Variants in CNTN5 observed in about 807,000 individuals in gnomAD.
CNTN5 encodes the protein contactin-5.
In CNTN5, 77 loss-of-function variants were observed where a neutral mutation model predicts 129.1. The ratio of observed to expected loss-of-function variants is 0.60; its 90% confidence interval spans 0.50 to 0.72. CNTN5 has a LOEUF of 0.72. CNTN5 is among the 30% of genes least tolerant of loss of function. CNTN5 has a pLI of 0.00. For missense variants in CNTN5, 1,478 were observed against 1,328.8 expected (o/e 1.11, Z -1.75); for synonymous variants, 509 against 465.6 (o/e 1.09, Z -1.20).
chr11:99,602,274 C>A lies in CNTN5; in HGVS notation c.55+46005C>A, dbSNP rs534768783. Reference sequence around the variant, plus strand: ...TTCTAGTTTCTATCTTGATTATTTACTTTATTGAATAATAATAATAAGAAA... The same window carrying A: ...TTCTAGTTTCTATCTTGATTATTTAATTTATTGAATAATAATAATAAGAAA... On this transcript the variant is annotated intron_variant, in intron 3 of 24. Coordinates refer to ENST00000524871, the MANE Select transcript of CNTN5 (RefSeq NM_014361.4). Among the ~76,000 whole-genome samples the A allele has an allele frequency of 2.9e-4, 44 of 151,980 alleles. 1 individual carries two copies. In the South Asian group the frequency reaches 6.6e-3, roughly 23 times the overall value.
At chr11:99,224,377 C>G (rs564968460) in intron 1 of CNTN5, among the ~76,000 whole-genome samples, 2 of 152,206 alleles carry the variant, frequency 1.3e-5, no homozygotes, top group East Asian at 3.9e-4. Flanking sequence ...TATGGTAGCA[C>G]AAGTAAACTT....
intron 13 of CNTN5, among the ~76,000 whole-genome samples, chr11:100,155,256 A>G (rs2138329935): frequency 6.6e-6 from 1 of 152,274 alleles, no homozygotes; most frequent in Non-Finnish European, 1.5e-5. Flanking sequence ...CAGTTTTCCC[A>G]ACACTATTTA....
chr11:99,551,156 T>A (rs1378100549), intron 2 of CNTN5, among the ~76,000 whole-genome samples: 1 of 152,166 alleles, frequency 6.6e-6, no homozygotes, highest in Non-Finnish European at 1.5e-5. Context: ...CAGTTTCCTG[T>A]GATGCTGAGT....
chr11:99,995,338 CAAT>C (rs1180557529), intron 8 of CNTN5, among the ~76,000 whole-genome samples: 2 of 132,400 alleles, frequency 1.5e-5, no homozygotes, highest in Admixed American at 7.4e-5. Flanking sequence ...AAAAAAAAAA[CAAT>C]AAATACCACA....
intron 8 of CNTN5, among the ~76,000 whole-genome samples, chr11:99,965,288 T>G (rs1360699946): frequency 6.6e-6 from 1 of 152,162 alleles, no homozygotes; most frequent in South Asian, 2.1e-4. Context: ...GCTTTCTCTT[T>G]TGGTCATTTA....
chr11:100,215,263 A>G (rs1949114324), intron 15 of CNTN5, among the ~76,000 whole-genome samples: 1 of 152,134 alleles, frequency 6.6e-6, no homozygotes, highest in African/African-American at 2.4e-5. Flanking sequence ...CCTTCTTATG[A>G]TCCAGCCATA....
intron 1 of CNTN5, among the ~76,000 whole-genome samples, chr11:99,259,622 C>T (rs1862536974): frequency 6.6e-6 from 1 of 151,630 alleles, no homozygotes; most frequent in South Asian, 2.1e-4. Context: ...GGGATATATT[C>T]TGAGGACAAG....
At chr11:99,618,633 A>G (rs923859214) in intron 3 of CNTN5, among the ~76,000 whole-genome samples, 5 of 152,202 alleles carry the variant, frequency 3.3e-5, no homozygotes, top group African/African-American at 1.2e-4. Context: ...GAAAACTACA[A>G]TGATTAAGCC....
At chr11:100,062,179 G>C (rs1943511869) in intron 10 of CNTN5, among the ~76,000 whole-genome samples, 1 of 152,142 alleles carries the variant, frequency 6.6e-6, no homozygotes, top group Admixed American at 6.5e-5. Context: ...ACACTAAAAA[G>C]AGAAGCAATA....
At chr11:99,165,815 T>G (rs751309508) in intron 1 of CNTN5, among the ~76,000 whole-genome samples, 8 of 152,158 alleles carry the variant, frequency 5.3e-5, no homozygotes, top group African/African-American at 1.4e-4. Context: ...TCTTAGAAGC[T>G]TCCTAGTATA....
At chr11:99,560,478 G>A (rs527783124) in intron 3 of CNTN5, among the ~76,000 whole-genome samples, 12 of 151,918 alleles carry the variant, frequency 7.9e-5, no homozygotes, top group Admixed American at 2.6e-4. Context: ...TTTTAGTAGA[G>A]GTGGGTTTCA....
chr11:99,627,496 A>G (rs917036779), intron 3 of CNTN5, among the ~76,000 whole-genome samples: 2 of 152,172 alleles, frequency 1.3e-5, no homozygotes, highest in Non-Finnish European at 2.9e-5. Flanking sequence ...AGTAAACCTC[A>G]GTTCCTGCTA....
rs191795740 is a variant in CNTN5 at position 99,078,930 on chromosome 11, C to A, written c.-210+57660C>A. Among the ~76,000 whole-genome samples, 379 of 151,972 alleles carry A rather than the reference C, an allele frequency of 2.5e-3. 1 individual carries two copies. Among genetic ancestry groups the A allele is most frequent in the Non-Finnish European group, 3.5e-3 (241 of 67,934 alleles). On this transcript the variant is annotated intron_variant, in intron 1 of 24. Coordinates refer to ENST00000524871, the MANE Select transcript of CNTN5 (RefSeq NM_014361.4). The stretch of plus-strand genomic sequence containing the variant: ...ATAATTTATTGTACATTTAAAAAAT[C>A]ACTAAAAGAGTATAAGTGGAATGTC...
intron 13 of CNTN5, among the ~76,000 whole-genome samples, chr11:100,090,254 G>T (rs1330276632): frequency 6.6e-6 from 1 of 151,954 alleles, no homozygotes; most frequent in African/African-American, 2.4e-5. Context: ...TACTGAATGG[G>T]CAAACAATGG....
At chr11:99,212,342 T>C (rs1307001369) in intron 1 of CNTN5, among the ~76,000 whole-genome samples, 1 of 152,204 alleles carries the variant, frequency 6.6e-6, no homozygotes, top group East Asian at 1.9e-4. Context: ...CCTTACACTA[T>C]AAATCTAATC....
rs1947973515 is a variant in CNTN5 at position 99,854,508 on chromosome 11, G to GT, written c.577+9247dup. On this transcript the variant is annotated intron_variant, in intron 6 of 24. Transcript: ENST00000524871. ...GAGGCTTGAAAATAAACGAGAATTT[G>GT]TAAGTGAATGAATAGGTGGTGGTGG... 2.6e-5 allele frequency among the ~76,000 whole-genome samples: 4 copies of GT among 152,286 alleles called. No individual in the cohort carries two copies. The South Asian group carries it at 8.3e-4, about 32-fold the overall frequency.
At chr11:99,556,511 AT>A (rs1948669485) in intron 3 of CNTN5, among the ~76,000 whole-genome samples, 1 of 141,320 alleles carries the variant, frequency 7.1e-6, no homozygotes, top group African/African-American at 2.6e-5. Context: ...CCTCCTTGAC[AT>A]TCATTTGCAA....
chr11:99,808,291 C>T (rs1591224211), intron 3 of CNTN5, among the ~76,000 whole-genome samples: 1 of 152,110 alleles, frequency 6.6e-6, no homozygotes, highest in Non-Finnish European at 1.5e-5. Flanking sequence ...ATATTTTAGC[C>T]CACTTGATGT....
intron 2 of CNTN5, among the ~76,000 whole-genome samples, chr11:99,337,238 G>A (rs994387995): frequency 6.6e-6 from 1 of 152,126 alleles, no homozygotes; most frequent in African/African-American, 2.4e-5. Flanking sequence ...CAGTTAAATA[G>A]TGCAGAGACC....
Sources: gnomAD v4.1 joint callset for allele counts (sites outside exome capture counted in the v4.1 genomes callset) on GRCh38, gnomAD v4.1.1 for gene constraint, MANE v1.5 for transcripts, NCBI Gene and HGNC (gene_info 2026-07-23, HGNC 2026-07-21) for gene names.